The following C8orf34 variants were observed in gnomAD, a reference collection of about 807,000 sequenced individuals.
C8orf34 encodes the protein chromosome 8 open reading frame 34.
C8orf34 carries 65 observed loss-of-function variants against 68.3 expected under a neutral mutation model. That is an observed-to-expected ratio of 0.95 (90% CI 0.78 to 1.17). C8orf34 has a LOEUF of 1.17. C8orf34 is among the 50% of genes most tolerant of loss of function. C8orf34 has a pLI of 0.00. For missense variants in C8orf34, 664 were observed against 655.4 expected, an observed-to-expected ratio of 1.01 and a Z score of -0.14; for synonymous variants, 244 against 241.2, an observed-to-expected ratio of 1.01 and a Z score of -0.11.
intron 10 of C8orf34, among the ~76,000 whole-genome samples, chr8:68,749,310 T>C (rs923520081): frequency 2.0e-5 from 3 of 151,944 alleles, no homozygotes; most frequent in Non-Finnish European, 4.4e-5. Flanking sequence ...GAGGGTGCAG[T>C]GCACCAGCAT....
chr8:68,690,676 C>G (rs1406916430), intron 8 of C8orf34, among the ~76,000 whole-genome samples: 1 of 151,956 alleles, frequency 6.6e-6, no homozygotes, highest in Non-Finnish European at 1.5e-5. Flanking sequence ...TTATTACTGT[C>G]AAAGTAGAGA....
At chr8:68,468,873 A>T in intron 4 of C8orf34, 53 bp downstream of exon 4, 6 of 1,565,514 alleles carry the variant, frequency 3.8e-6, no homozygotes, top group Non-Finnish European at 5.2e-6. Context: ...ATTAAAGCCG[A>T]AGCATTCATT....
intron 1 of C8orf34, among the ~76,000 whole-genome samples, chr8:68,416,118 G>A (rs761552590): frequency 7.2e-5 from 11 of 152,170 alleles, no homozygotes; most frequent in Non-Finnish European, 1.3e-4. Context: ...TGAGCAGAAG[G>A]TGGTGTTTTA....
chr8:68,509,517 C>T (rs886812644), intron 5 of C8orf34, among the ~76,000 whole-genome samples: 6 of 142,464 alleles, frequency 4.2e-5, no homozygotes, highest in African/African-American at 1.6e-4. Context: ...GGGAAATTAA[C>T]TTCTCCCAGT....
At chr8:68,648,715 A>T (rs1428997576) in intron 8 of C8orf34, among the ~76,000 whole-genome samples, 2 of 152,230 alleles carry the variant, frequency 1.3e-5, no homozygotes, top group Non-Finnish European at 2.9e-5. Flanking sequence ...AAACTACAGC[A>T]TGAGAATCCC....
At chr8:68,689,827 C>T (rs533606638) in intron 8 of C8orf34, among the ~76,000 whole-genome samples, 32 of 151,952 alleles carry the variant, frequency 2.1e-4, no homozygotes, top group African/African-American at 6.7e-4. Flanking sequence ...GGGTGCCTTC[C>T]CTAGTCTTAT....
chr8:68,539,936 A>T (rs1170579193), intron 7 of C8orf34, among the ~76,000 whole-genome samples: 3 of 142,246 alleles, frequency 2.1e-5, no homozygotes, highest in Admixed American at 6.8e-5. Context: ...TATTTTCAAC[A>T]TCTGAAAAAA....
intron 10 of C8orf34, among the ~76,000 whole-genome samples, chr8:68,753,918 A>T (rs569866782): frequency 1.3e-5 from 2 of 152,298 alleles, no homozygotes; most frequent in Non-Finnish European, 2.9e-5. Context: ...ATAGAGTCAC[A>T]GTCATTGGTG....
At position 68,769,123 on chromosome 8, in the gene C8orf34, CT is replaced by C. The variant is rs920669856; in HGVS notation, c.1405-7267del. ...AGGCATGCAGTGCAATGTGTAATTTCTTTTTTTTTAATTTCAGGAAAGTTTT... is the reference window on the plus strand; with the variant it reads ...AGGCATGCAGTGCAATGTGTAATTTCTTTTTTTTAATTTCAGGAAAGTTTT... On this transcript the variant is annotated intron_variant, in intron 10 of 13. Coordinates refer to ENST00000518698, the MANE Select transcript of C8orf34 (RefSeq NM_052958.4). 5.3e-5 allele frequency among the ~76,000 whole-genome samples: 8 copies of C among 150,682 alleles called. No individual in the cohort carries two copies. In the South Asian group the frequency reaches 6.3e-4, roughly 12 times the overall value.
chr8:68,785,314 C>G (rs1823814648), intron 11 of C8orf34, among the ~76,000 whole-genome samples: 1 of 152,174 alleles, frequency 6.6e-6, no homozygotes, highest in African/African-American at 2.4e-5. Flanking sequence ...GTCTTTAACT[C>G]TAATACATTA....
At chr8:68,516,342 T>C (rs755835259) in intron 5 of C8orf34, among the ~76,000 whole-genome samples, 2 of 152,228 alleles carry the variant, frequency 1.3e-5, no homozygotes, top group African/African-American at 4.8e-5. Flanking sequence ...CTATTTATTA[T>C]GAGGGGAGCA....
intron 1 of C8orf34, among the ~76,000 whole-genome samples, chr8:68,361,997 T>C (rs1034740214): frequency 8.5e-5 from 13 of 152,358 alleles, no homozygotes; most frequent in Admixed American, 7.2e-4. Context: ...TTCTTTTAGG[T>C]GTAAGCCAAA....
intron 10 of C8orf34, among the ~76,000 whole-genome samples, chr8:68,746,654 G>A (rs1464236952): frequency 2.7e-5 from 4 of 148,042 alleles, no homozygotes; most frequent in South Asian, 2.2e-4. Flanking sequence ...TAAATTCCTC[G>A]ACACATACAC....
chr8:68,674,459 T>C (rs1820116763), intron 8 of C8orf34, among the ~76,000 whole-genome samples: 1 of 151,932 alleles, frequency 6.6e-6, no homozygotes, highest in South Asian at 2.1e-4. Flanking sequence ...GAGATTGAAA[T>C]AAAATGAATC....
At chr8:68,402,844 T>C (rs561466104) in intron 1 of C8orf34, among the ~76,000 whole-genome samples, 1 of 152,298 alleles carries the variant, frequency 6.6e-6, no homozygotes, top group African/African-American at 2.4e-5. Context: ...TTTCATGTGC[T>C]GGTGAGAACT....
At chr8:68,334,851 T>C (rs769172675) in intron 1 of C8orf34, among the ~76,000 whole-genome samples, 5 of 152,204 alleles carry the variant, frequency 3.3e-5, no homozygotes, top group Admixed American at 2.0e-4. Flanking sequence ...ATCAAACTTA[T>C]GATCAAAGCC....
chr8:68,505,706 C>A (rs1255859215), intron 5 of C8orf34, among the ~76,000 whole-genome samples: 1 of 93,268 alleles, frequency 1.1e-5, no homozygotes, highest in African/African-American at 1.0e-4. Flanking sequence ...AGTCCGCAGT[C>A]CGGCCTGGGC....
intron 7 of C8orf34, among the ~76,000 whole-genome samples, chr8:68,575,644 A>T (rs1431815910): frequency 6.6e-6 from 1 of 151,970 alleles, no homozygotes; most frequent in Non-Finnish European, 1.5e-5. Context: ...CTCATCCTAA[A>T]CCTGTTTGGA....
At chr8:68,532,262 A>G (rs1235665722) in intron 6 of C8orf34, among the ~76,000 whole-genome samples, 1 of 152,188 alleles carries the variant, frequency 6.6e-6, no homozygotes, top group Non-Finnish European at 1.5e-5. Flanking sequence ...TTGAAACAAA[A>G]GTTATAGCAC....
Sources: allele counts gnomAD v4.1 joint callset (sites outside exome capture counted in the v4.1 genomes callset), GRCh38; gene constraint gnomAD v4.1.1; transcripts MANE v1.5; gene names NCBI Gene and HGNC (gene_info 2026-07-23, HGNC 2026-07-21).